The following BMP5 variants were observed in gnomAD, a reference collection of about 807,000 sequenced individuals.
BMP5 encodes the protein bone morphogenetic protein 5.
Under a neutral mutation model 46.6 loss-of-function variants are expected in BMP5, and 23 were observed. The ratio of observed to expected loss-of-function variants is 0.49; its 90% confidence interval spans 0.35 to 0.70. The LOEUF is 0.70. Among genes scored for constraint, BMP5 ranks in the 30% least tolerant of loss-of-function variants. BMP5 has a pLI of 0.00. For synonymous variants in BMP5, 204 were observed against 191.9 expected (o/e 1.06, Z -0.52); for missense variants, 545 against 565.6 (o/e 0.96, Z 0.37).
intron 1 of BMP5, among the ~76,000 whole-genome samples, chr6:55,860,363 A>T (rs923604990): frequency 1.3e-5 from 2 of 152,228 alleles, no homozygotes; most frequent in Non-Finnish European, 2.9e-5. Flanking sequence ...TAAATGATTG[A>T]AAGTGGCCAA....
At chr6:55,776,354 C>T (rs1775171392) in intron 3 of BMP5, among the ~76,000 whole-genome samples, 2 of 151,748 alleles carry the variant, frequency 1.3e-5, no homozygotes, top group Admixed American at 6.6e-5. Flanking sequence ...CTTGAACTGA[C>T]CCACTTCAAT....
intron 3 of BMP5, among the ~76,000 whole-genome samples, chr6:55,778,391 A>C (rs967211447): frequency 2.0e-5 from 3 of 152,016 alleles, no homozygotes; most frequent in Non-Finnish European, 4.4e-5. Context: ...TGCTGGTGGC[A>C]GTTAGACCCA....
intron 6 of BMP5, among the ~76,000 whole-genome samples, chr6:55,758,420 A>G (rs1774669977): frequency 6.6e-6 from 1 of 151,930 alleles, no homozygotes; most frequent in Non-Finnish European, 1.5e-5. Flanking sequence ...GTTCATAAAA[A>G]TAAGCCTAGA....
chr6:55,755,757 T>C, intron 6 of BMP5, 75 bp from the exon 7 acceptor site: 2 of 1,404,936 alleles, frequency 1.4e-6, no homozygotes, highest in Non-Finnish European at 2.0e-6. Flanking sequence ...ATGGTATGAT[T>C]ATTTTATCAC....
In BMP5 at chr6:55,758,742, C is replaced by T. The variant is rs1229425425; in HGVS notation, c.1215+263G>A. Among the ~76,000 whole-genome samples, 3 of 151,830 alleles carry T rather than the reference C, an allele frequency of 2.0e-5. No homozygotes were observed. In the East Asian group the frequency reaches 5.8e-4, roughly 30 times the overall value. On this transcript the variant is annotated intron_variant, in intron 6 of 6. Transcript: ENST00000370830. Reference sequence around the variant, plus strand: ...GTGCTTAGTCATACTGTGTAATGAACAAACAGTTCAAGATGACCATTTCAT... The same window carrying T: ...GTGCTTAGTCATACTGTGTAATGAATAAACAGTTCAAGATGACCATTTCAT...
At chr6:55,812,470 G>A (rs527406394) in intron 2 of BMP5, among the ~76,000 whole-genome samples, 1 of 152,286 alleles carries the variant, frequency 6.6e-6, no homozygotes, top group Admixed American at 6.5e-5. Flanking sequence ...GTCAGACTGT[G>A]TCTTGAATAT....
Position 55,774,186 on chromosome 6 carries a change from T to C in BMP5, c.890A>G (p.Lys297Arg). Residue 297 changes from lysine to arginine, a missense_variant, in exon 4 of 7, where the codon AAA becomes AGA. Lys to Arg is a conservative substitution (Grantham distance 26, BLOSUM62 2). Transcript: ENST00000370830. ...GLVGRQGPQS[K>R]QPFMVAFFKA... ...GAAGAAGGCCACCATGAATGGTTGTTTTGACTGAGGTCCCTGTCTTCCCAC... is the reference window on the plus strand; with the variant it reads ...GAAGAAGGCCACCATGAATGGTTGTCTTGACTGAGGTCCCTGTCTTCCCAC... The C allele has an allele frequency of 2.5e-6, 4 of 1,613,188 alleles. No homozygotes were observed. Among genetic ancestry groups the C allele is most frequent in the Middle Eastern group, 1.7e-4 (1 of 6,030 alleles).
chr6:55,782,983 T>C (rs1019930793), intron 3 of BMP5, among the ~76,000 whole-genome samples: 2 of 152,142 alleles, frequency 1.3e-5, no homozygotes, highest in South Asian at 4.1e-4. Context: ...GTGAATACTT[T>C]CATCTTGGGT....
chr6:55,766,148 G>T (rs1282094616), intron 4 of BMP5, among the ~76,000 whole-genome samples: 1 of 151,996 alleles, frequency 6.6e-6, no homozygotes, highest in Non-Finnish European at 1.5e-5. Flanking sequence ...GTATCCTGTT[G>T]GAAGCCCTTT....
intron 3 of BMP5, among the ~76,000 whole-genome samples, chr6:55,782,937 C>T (rs536016039): frequency 6.6e-6 from 1 of 152,180 alleles, no homozygotes; most frequent in African/African-American, 2.4e-5. Context: ...GTATGCTTTT[C>T]CTCTAAGTAC....
intron 2 of BMP5, among the ~76,000 whole-genome samples, chr6:55,798,917 G>C (rs1409039108): frequency 6.6e-6 from 1 of 152,072 alleles, no homozygotes; most frequent in East Asian, 1.9e-4. Context: ...CTACACTAAA[G>C]ACTAAACAGC....
chr6:55,857,149 C>G (rs1361135624), intron 1 of BMP5, among the ~76,000 whole-genome samples: 2 of 152,064 alleles, frequency 1.3e-5, no homozygotes, highest in Non-Finnish European at 2.9e-5. Context: ...TCCTGATATA[C>G]CTTATTATTT....
chr6:55,770,824 A>G (rs1423001537), intron 4 of BMP5, among the ~76,000 whole-genome samples: 1 of 151,926 alleles, frequency 6.6e-6, no homozygotes, highest in East Asian at 1.9e-4. Flanking sequence ...AACCCAAGAG[A>G]AGGGAAAGAG....
intron 1 of BMP5, among the ~76,000 whole-genome samples, chr6:55,849,470 A>ACATG (rs1777172834): frequency 6.6e-6 from 1 of 152,058 alleles, no homozygotes; most frequent in Non-Finnish European, 1.5e-5. Flanking sequence ...CATGAGAGTA[A>ACATG]GCAACACACA....
chr6:55,783,846 AAAACAG>A (rs1202335776), intron 3 of BMP5, among the ~76,000 whole-genome samples: 2 of 151,988 alleles, frequency 1.3e-5, no homozygotes, highest in Non-Finnish European at 2.9e-5. Flanking sequence ...GGGAAAATCA[AAAACAG>A]AAATACAGAT....
At chr6:55,826,127 A>G (rs1338076533) in intron 1 of BMP5, among the ~76,000 whole-genome samples, 1 of 151,826 alleles carries the variant, frequency 6.6e-6, no homozygotes, top group Non-Finnish European at 1.5e-5. Flanking sequence ...GAATATGTAC[A>G]TGTTTTCCAT....
intron 1 of BMP5, among the ~76,000 whole-genome samples, chr6:55,873,584 A>G (rs1777833688): frequency 6.6e-6 from 1 of 151,932 alleles, no homozygotes; most frequent in South Asian, 2.1e-4. Context: ...TTTAAAAACC[A>G]CCATGAAGTA....
intron 1 of BMP5, among the ~76,000 whole-genome samples, chr6:55,824,726 T>G (rs1776490181): frequency 6.6e-6 from 1 of 151,932 alleles, no homozygotes; most frequent in South Asian, 2.1e-4. Context: ...CAAACACTTG[T>G]GTCAATCAAT....
chr6:55,809,801 A>C (rs1174471018), intron 2 of BMP5, among the ~76,000 whole-genome samples: 1 of 152,156 alleles, frequency 6.6e-6, no homozygotes, highest in Admixed American at 6.5e-5. Context: ...TAGAAGCTAC[A>C]CAGACAAATT....
Sources: allele counts gnomAD v4.1 joint callset (sites outside exome capture counted in the v4.1 genomes callset), GRCh38; gene constraint gnomAD v4.1.1; transcripts MANE v1.5; gene names NCBI Gene and HGNC (gene_info 2026-07-23, HGNC 2026-07-21).